The following KALRN variants were observed in gnomAD, a reference collection of about 807,000 sequenced individuals.
The protein encoded by KALRN is kalirin.
Under a neutral mutation model 353.7 loss-of-function variants are expected in KALRN, and 70 were observed. That is an observed-to-expected ratio of 0.20 (90% CI 0.16 to 0.24). The LOEUF (loss-of-function observed/expected upper bound fraction) is 0.24. Ranked by LOEUF, KALRN falls within the 10% of genes least tolerant of loss-of-function variation. KALRN has a pLI of 1.00. For synonymous variants in KALRN, 1,391 were observed against 1,434.8 expected (o/e 0.97, Z 0.69); for missense variants, 2,791 against 3,756.7 (o/e 0.74, Z 6.72).
intron 15 of KALRN, among the ~76,000 whole-genome samples, chr3:124,424,993 G>T (rs777725650): frequency 1.2e-4 from 19 of 152,070 alleles, no homozygotes; most frequent in Non-Finnish European, 2.1e-4. Context: ...GTGGTCCCAG[G>T]AGAAATAGAA....
At chr3:124,070,195 T>G (rs2059947358) in intron 1 of KALRN, among the ~76,000 whole-genome samples, 1 of 152,194 alleles carries the variant, frequency 6.6e-6, no homozygotes, top group African/African-American at 2.4e-5. Context: ...CAGAGACAAC[T>G]GTTAAAGATA....
intron 34 of KALRN, among the ~76,000 whole-genome samples, chr3:124,610,048 T>G (rs917639490): frequency 2.0e-5 from 3 of 152,240 alleles, no homozygotes; most frequent in African/African-American, 7.2e-5. Context: ...CCCCAACAAA[T>G]GTTTATTGAG....
At chr3:124,698,151 T>G (rs1305741016) in intron 55 of KALRN, among the ~76,000 whole-genome samples, 1 of 152,100 alleles carries the variant, frequency 6.6e-6, no homozygotes, top group Non-Finnish European at 1.5e-5. Flanking sequence ...GTATTTTTAG[T>G]AGAGACAGGG....
At chr3:124,130,244 C>A (rs549926861) in intron 1 of KALRN, among the ~76,000 whole-genome samples, 1 of 152,128 alleles carries the variant, frequency 6.6e-6, no homozygotes, top group African/African-American at 2.4e-5. Context: ...TGATATCTAC[C>A]CATGAAGGAG....
At chr3:124,660,309 C>A (rs2084677916) in intron 43 of KALRN, among the ~76,000 whole-genome samples, 1 of 152,122 alleles carries the variant, frequency 6.6e-6, no homozygotes, top group African/African-American at 2.4e-5. Context: ...AGAGACTTAA[C>A]TTTCCTTTCT....
At chr3:124,296,742 A>G (rs1446913646) in intron 5 of KALRN, among the ~76,000 whole-genome samples, 3 of 152,210 alleles carry the variant, frequency 2.0e-5, no homozygotes, top group African/African-American at 7.2e-5. Flanking sequence ...CCAGAAACAC[A>G]GCTGAGGACC....
intron 1 of KALRN, among the ~76,000 whole-genome samples, chr3:124,224,466 C>T (rs1197474791): frequency 6.6e-6 from 1 of 152,020 alleles, no homozygotes; most frequent in Non-Finnish European, 1.5e-5. Flanking sequence ...TCCTGGGCTG[C>T]ATGAGGCCTG....
chr3:124,480,296 A>G (rs962026558), intron 27 of KALRN, among the ~76,000 whole-genome samples: 2 of 152,222 alleles, frequency 1.3e-5, no homozygotes, highest in Non-Finnish European at 2.9e-5. Context: ...CCTCTGGGAA[A>G]GAGGCAAATG....
At chr3:124,348,479 T>C (rs1355705922) in intron 10 of KALRN, among the ~76,000 whole-genome samples, 2 of 152,112 alleles carry the variant, frequency 1.3e-5, no homozygotes, top group Middle Eastern at 3.2e-3. Context: ...AGAGGCCTCA[T>C]AGGAGGCAGA....
chr3:124,468,970 G>A lies in KALRN; in HGVS notation c.4032-5693G>A, dbSNP rs116382734. Among the ~76,000 whole-genome samples the A allele has an allele frequency of 1.0e-2, 1,523 of 152,314 alleles. 24 individuals carry two copies. Among genetic ancestry groups the A allele is most frequent in the African/African-American group, 0.035 (1,443 of 41,574 alleles). Reference sequence around the variant, plus strand: ...AAACAAGACAAAGTCTAAACACTTCGTTTGGATGTGTCAAAGTAATGTTAA... The same window carrying A: ...AAACAAGACAAAGTCTAAACACTTCATTTGGATGTGTCAAAGTAATGTTAA... On this transcript the variant is annotated intron_variant, in intron 25 of 59. Coordinates refer to ENST00000682506, the MANE Select transcript of KALRN (RefSeq NM_001388419.1).
chr3:124,424,655 T>G (rs1332715113), intron 15 of KALRN, among the ~76,000 whole-genome samples: 1 of 152,134 alleles, frequency 6.6e-6, no homozygotes, highest in Non-Finnish European at 1.5e-5. Context: ...GGATTACACC[T>G]GAGTCTCCAG....
At chr3:124,175,071 G>A (rs543737993) in intron 1 of KALRN, among the ~76,000 whole-genome samples, 1 of 152,308 alleles carries the variant, frequency 6.6e-6, no homozygotes, top group African/African-American at 2.4e-5. Context: ...TTAATGTGGA[G>A]GATGAGGTGA....
intron 14 of KALRN, among the ~76,000 whole-genome samples, chr3:124,422,283 A>C (rs1378486863): frequency 6.6e-6 from 1 of 152,178 alleles, no homozygotes; most frequent in African/African-American, 2.4e-5. Flanking sequence ...CATGTGCGAC[A>C]CTTGCGGGGA....
intron 1 of KALRN, among the ~76,000 whole-genome samples, chr3:124,128,937 C>T (rs2064986136): frequency 6.6e-6 from 1 of 152,044 alleles, no homozygotes. Context: ...TATATCTCTG[C>T]ACAGGGATAG....
At chr3:124,511,904 CT>C (rs2065948365) in intron 33 of KALRN, among the ~76,000 whole-genome samples, 1 of 152,132 alleles carries the variant, frequency 6.6e-6, no homozygotes, top group African/African-American at 2.4e-5. Flanking sequence ...ACTGTATCTC[CT>C]TCTGGTTTGC....
intron 1 of KALRN, among the ~76,000 whole-genome samples, chr3:124,077,724 C>T (rs1219932026): frequency 3.9e-5 from 6 of 152,218 alleles, no homozygotes; most frequent in Non-Finnish European, 7.3e-5. Flanking sequence ...CCGTCTGATA[C>T]GTCTTCCCAA....
intron 14 of KALRN, 134 bp downstream of exon 14, chr3:124,413,799 A>T: frequency 1.3e-6 from 1 of 784,118 alleles, no homozygotes; most frequent in Non-Finnish European, 2.0e-6. Flanking sequence ...TTTTACCCAC[A>T]TTTTTTTTAA....
At chr3:124,048,805 T>C (rs1451826486) in intron 1 of KALRN, among the ~76,000 whole-genome samples, 2 of 152,232 alleles carry the variant, frequency 1.3e-5, no homozygotes, top group Non-Finnish European at 2.9e-5. Flanking sequence ...TTAACAGTTG[T>C]GTTACATTCT....
chr3:124,182,285 T>TC (rs1429439839), intron 1 of KALRN, among the ~76,000 whole-genome samples: 1 of 152,190 alleles, frequency 6.6e-6, no homozygotes, highest in Admixed American at 6.5e-5. Context: ...GCTTTCTGGG[T>TC]CCCCTGCTTC....
Sources: allele counts gnomAD v4.1 joint callset (sites outside exome capture counted in the v4.1 genomes callset), GRCh38; gene constraint gnomAD v4.1.1; transcripts MANE v1.5; gene names NCBI Gene and HGNC (gene_info 2026-07-23, HGNC 2026-07-21).